The following ITPK1 variants were observed in gnomAD, a reference collection of about 807,000 sequenced individuals.
The protein encoded by ITPK1 is inositol-tetrakisphosphate 1-kinase, also known as inositol 1,3,4-trisphosphate 5/6-kinase.
In ITPK1, 21 loss-of-function variants were observed where a neutral mutation model predicts 45.3. The ratio of observed to expected loss-of-function variants is 0.46; its 90% confidence interval spans 0.33 to 0.67. ITPK1 has a LOEUF of 0.67. Among genes scored for constraint, ITPK1 ranks in the 30% least tolerant of loss-of-function variants. The pLI is 0.02. For synonymous variants in ITPK1, 258 were observed against 253.6 expected (o/e 1.02, Z -0.16); for missense variants, 474 against 573.5 (o/e 0.83, Z 1.77).
At chr14:93,081,266 G>A (rs560300678) in intron 2 of ITPK1, among the ~76,000 whole-genome samples, 3 of 151,924 alleles carry the variant, frequency 2.0e-5, no homozygotes, top group South Asian at 2.1e-4. Context: ...CCCAGGAGGC[G>A]GGGGTTGCAG....
At position 93,032,098 on chromosome 14, in the gene ITPK1, C is replaced by T. The variant is rs1889089386; in HGVS notation, c.121-15297G>A. On this transcript the variant is annotated intron_variant, in intron 3 of 10. Coordinates refer to ENST00000267615, the MANE Select transcript of ITPK1 (RefSeq NM_014216.6). The surrounding 1 kb of genome is among the most constrained non-coding windows in gnomAD (Gnocchi z 4.0). ...GGTGCAGTGGCTCACGCCTGTCATC[C>T]CAGCACTTTAGGAGGCTGGGGCGGG... Among the ~76,000 whole-genome samples the T allele has an allele frequency of 6.6e-6, 1 of 152,168 alleles. No individual in the cohort carries two copies. Among genetic ancestry groups the T allele is most frequent in the Admixed American group, 6.5e-5 (1 of 15,288 alleles).
intron 5 of ITPK1, 99 bp from the exon 6 acceptor site, chr14:92,962,948 C>T: frequency 4.2e-6 from 3 of 713,708 alleles, no homozygotes; most frequent in Non-Finnish European, 4.7e-6. Context: ...CTTCAGTGCC[C>T]CCACGCTCCT....
intron 2 of ITPK1, among the ~76,000 whole-genome samples, chr14:93,105,947 C>T (rs547915000): frequency 2.0e-5 from 3 of 152,196 alleles, no homozygotes; most frequent in African/African-American, 4.8e-5. Context: ...TCAGGTGATC[C>T]GCCCGCCTCA....
chr14:93,102,925 C>T (rs1185290266), intron 2 of ITPK1, among the ~76,000 whole-genome samples: 1 of 151,262 alleles, frequency 6.6e-6, no homozygotes, highest in Non-Finnish European at 1.5e-5. Flanking sequence ...ACGGTGAAAC[C>T]CTGTCTCTAC....
rs1160299177 is a variant in ITPK1 at position 93,063,260 on chromosome 14, T to G, written c.120+13335A>C. ...GCAAGGAAGGGAGTGAGCCAAGGTCTGCCTCCAAGCCAGGACCCACACCCT... is the reference window on the plus strand; with the variant it reads ...GCAAGGAAGGGAGTGAGCCAAGGTCGGCCTCCAAGCCAGGACCCACACCCT... On this transcript the variant is annotated intron_variant, in intron 3 of 10. Coordinates refer to ENST00000267615, the MANE Select transcript of ITPK1 (RefSeq NM_014216.6). The surrounding 1 kb of genome is among the most constrained non-coding windows in gnomAD (Gnocchi z 4.3). Among the ~76,000 whole-genome samples the G allele has an allele frequency of 6.6e-6, 1 of 152,190 alleles. No individual in the cohort carries two copies. Among genetic ancestry groups the G allele is most frequent in the African/African-American group, 2.4e-5 (1 of 41,460 alleles).
At chr14:92,960,536 C>G (rs1885014618) in intron 7 of ITPK1, among the ~76,000 whole-genome samples, 1 of 152,220 alleles carries the variant, frequency 6.6e-6, no homozygotes, top group Non-Finnish European at 1.5e-5. Flanking sequence ...ACACACGGCA[C>G]CAGAATCAGT....
At position 92,962,636 on chromosome 14, in the gene ITPK1, C is replaced by T. The variant is rs114845439; in HGVS notation, c.463+115G>A. ...TGGAGGTGGGACCCAGGGCCATGTG[C>T]TCATCCATCCTCGGGTGAGCTTAAA... On this transcript the variant is annotated intron_variant, in intron 6 of 10. Coordinates refer to ENST00000267615, the MANE Select transcript of ITPK1 (RefSeq NM_014216.6). 1,507 of 858,278 alleles carry T rather than the reference C, an allele frequency of 1.8e-3. 17 individuals carry two copies. The African/African-American group carries it at 0.022, about 13-fold the overall frequency. The allele number at this position is 858,278 out of a possible 1,614,324, so 53.2% of individuals were successfully genotyped here.
chr14:92,996,439 G>A (rs575591749), intron 4 of ITPK1, among the ~76,000 whole-genome samples: 4 of 139,598 alleles, frequency 2.9e-5, no homozygotes, highest in Non-Finnish European at 4.7e-5. Context: ...GTCGCGGGGT[G>A]GGGGGAGGGG....
intron 3 of ITPK1, among the ~76,000 whole-genome samples, chr14:93,022,815 T>A (rs1454115285): frequency 6.6e-6 from 1 of 150,704 alleles, no homozygotes; most frequent in African/African-American, 2.4e-5. Flanking sequence ...CGTGAGCCAC[T>A]GTGCCTGGCC....
At position 93,063,385 on chromosome 14, in the gene ITPK1, A is replaced by G. The variant is rs1006189140; in HGVS notation, c.120+13210T>C. Among the ~76,000 whole-genome samples the G allele has an allele frequency of 2.6e-5, 4 of 152,180 alleles. No homozygotes were observed. Among genetic ancestry groups the G allele is most frequent in the Non-Finnish European group, 4.4e-5 (3 of 68,032 alleles). ...GTGAGACAGGGGTGTGAGCTTCACA[A>G]GACCCCTCGAGTCATCTCAGGAGCC... On this transcript the variant is annotated intron_variant, in intron 3 of 10. Transcript: ENST00000267615. The surrounding 1 kb of genome is among the most constrained non-coding windows in gnomAD (Gnocchi z 4.3).
intron 5 of ITPK1, among the ~76,000 whole-genome samples, chr14:92,993,482 C>T (rs1171773358): frequency 6.6e-6 from 1 of 152,146 alleles, no homozygotes; most frequent in Non-Finnish European, 1.5e-5. Context: ...ATTACATCTC[C>T]ACGTGTTTGA....
intron 5 of ITPK1, among the ~76,000 whole-genome samples, chr14:92,991,568 C>T (rs1886790941): frequency 6.6e-6 from 1 of 152,170 alleles, no homozygotes; most frequent in African/African-American, 2.4e-5. Flanking sequence ...TCCCAGTGAA[C>T]TAGGACACAC....
Position 92,943,379 on chromosome 14 carries a change from G to A in ITPK1, c.902-1475C>T, listed in dbSNP as rs183730865. On this transcript the variant is annotated intron_variant, in intron 10 of 10. Coordinates refer to ENST00000267615, the MANE Select transcript of ITPK1 (RefSeq NM_014216.6). ...CTGAGGCTCAAGGTGGCTCCTAAGA[G>A]GCAGAGTGGGATCTGAAGGACGCCC... Among the ~76,000 whole-genome samples, 303 of 152,362 alleles carry A rather than the reference G, an allele frequency of 2.0e-3. 2 individuals are homozygous for A. Among genetic ancestry groups the A allele is most frequent in the African/African-American group, 6.9e-3 (289 of 41,588 alleles).
At position 92,963,919 on chromosome 14, in the gene ITPK1, C is replaced by T. The variant is rs184649245; in HGVS notation, c.365-1070G>A. ...AGGCTGAGTGTGAGCGGGGCGGGGG[C>T]GGTCTGCCACCCACAGGCTTGGAAA... is the stretch of plus-strand genomic sequence containing the variant. On this transcript the variant is annotated intron_variant, in intron 5 of 10. Coordinates refer to ENST00000267615, the MANE Select transcript of ITPK1 (RefSeq NM_014216.6). Among the ~76,000 whole-genome samples the T allele has an allele frequency of 3.0e-3, 453 of 152,236 alleles. 6 individuals are homozygous for T. The highest frequency in any genetic ancestry group is 0.027 in the Admixed American group (416 of 15,288).
chr14:93,078,970 G>A (rs999623961), intron 2 of ITPK1, among the ~76,000 whole-genome samples: 3 of 151,930 alleles, frequency 2.0e-5, no homozygotes, highest in Non-Finnish European at 2.9e-5. Flanking sequence ...ACAGAGGAGC[G>A]CAGACTTCCA....
At chr14:93,049,335 A>T (rs903263310) in intron 3 of ITPK1, among the ~76,000 whole-genome samples, 1 of 152,204 alleles carries the variant, frequency 6.6e-6, no homozygotes, top group Non-Finnish European at 1.5e-5. Context: ...AGGTAAACAC[A>T]GTCGGCTCAG....
chr14:93,098,019 G>C (rs1487235756), intron 2 of ITPK1, among the ~76,000 whole-genome samples: 1 of 151,694 alleles, frequency 6.6e-6, no homozygotes, highest in Non-Finnish European at 1.5e-5. Flanking sequence ...TCAAAAAAAA[G>C]AAAATTAGCC....
rs1341981464 is a variant in ITPK1 at position 92,941,130 on chromosome 14, C to G, written c.*431G>C. On this transcript the variant is annotated 3_prime_UTR_variant, in exon 11 of 11. Transcript: ENST00000267615. ...GGAGTCAGGCAGAAGGGAAGCCACT[C>G]TCACATGCACCGATCAGCCTCCCAC... 2.5e-6 allele frequency: 3 copies of G among 1,204,574 alleles called. No individual in the cohort carries two copies. Among genetic ancestry groups the G allele is most frequent in the Non-Finnish European group, 1.0e-6 (1 of 953,164 alleles). 74.6% of individuals were successfully genotyped at this position (1,204,574 alleles called of 1,614,324 possible).
intron 3 of ITPK1, among the ~76,000 whole-genome samples, chr14:93,051,630 A>AG (rs1305991596): frequency 6.6e-6 from 1 of 151,918 alleles, no homozygotes; most frequent in Non-Finnish European, 1.5e-5. Flanking sequence ...AAAAAAAAAA[A>AG]AAAGAAAGAG....
Sources: allele counts gnomAD v4.1 joint callset (sites outside exome capture counted in the v4.1 genomes callset), GRCh38; gene constraint gnomAD v4.1.1; non-coding constraint Gnocchi (gnomAD v3.1); transcripts MANE v1.5; gene names NCBI Gene and HGNC (gene_info 2026-07-23, HGNC 2026-07-21).